SYT9: variants seen among roughly 807,000 people sequenced by gnomAD.
SYT9 encodes the protein synaptotagmin 9, also known as synaptotagmin-9.
Under a neutral mutation model 48.4 loss-of-function variants are expected in SYT9, and 22 were observed. That is an observed-to-expected ratio of 0.45 (90% confidence interval 0.32 to 0.65). SYT9 has a LOEUF of 0.65. Among genes scored for constraint, SYT9 ranks in the 30% least tolerant of loss-of-function variants. The probability of loss-of-function intolerance (pLI) is 0.03; values close to 1 mark genes in which losing one functional copy is unlikely to be tolerated. For missense variants in SYT9, 577 were observed against 622.0 expected (o/e 0.93, Z 0.77); for synonymous variants, 265 against 245.0 (o/e 1.08, Z -0.76).
chr11:7,367,162 A>C (rs1294675216), intron 3 of SYT9, among the ~76,000 whole-genome samples: 5 of 137,450 alleles, frequency 3.6e-5, no homozygotes, highest in African/African-American at 1.1e-4. Context: ...GCTCACTGCA[A>C]GCTCCGCCTC....
At chr11:7,239,472 T>C (rs1589880431) in intron 1 of SYT9, among the ~76,000 whole-genome samples, 1 of 152,062 alleles carries the variant, frequency 6.6e-6, no homozygotes, top group Non-Finnish European at 1.5e-5. Flanking sequence ...AACCTAACAC[T>C]GGAAAGAAGA....
At chr11:7,283,807 A>T (rs906603175) in intron 1 of SYT9, among the ~76,000 whole-genome samples, 2 of 152,128 alleles carry the variant, frequency 1.3e-5, no homozygotes, top group African/African-American at 4.8e-5. Flanking sequence ...GCCTTATCAC[A>T]TCATTGACAC....
At chr11:7,366,628 A>C (rs1274867232) in intron 3 of SYT9, among the ~76,000 whole-genome samples, 1 of 152,156 alleles carries the variant, frequency 6.6e-6, no homozygotes, top group Non-Finnish European at 1.5e-5. Context: ...TTACTATTAC[A>C]TATTTTAACC....
At chr11:7,382,058 G>C (rs554136690) in intron 3 of SYT9, among the ~76,000 whole-genome samples, 14 of 152,264 alleles carry the variant, frequency 9.2e-5, no homozygotes, top group Admixed American at 8.5e-4. Flanking sequence ...GCCCAGACTG[G>C]GAAGCCCAGA....
intron 3 of SYT9, among the ~76,000 whole-genome samples, chr11:7,409,112 G>C (rs1320015294): frequency 4.6e-5 from 7 of 152,122 alleles, no homozygotes. Context: ...TATCATGAAG[G>C]GATGGTGTAT....
At chr11:7,418,271 T>A in intron 5 of SYT9, 143 bp downstream of exon 5, 1 of 850,488 alleles carries the variant, frequency 1.2e-6, no homozygotes, top group Non-Finnish European at 1.8e-6. Flanking sequence ...GGAAGCACAT[T>A]GACAGGAGTC....
intron 4 of SYT9, among the ~76,000 whole-genome samples, chr11:7,417,168 G>T (rs5789515): frequency 0.33 from 34,333 of 104,400 alleles, 4,663 homozygotes; most frequent in Non-Finnish European, 0.46. Flanking sequence ...CAGTGTTTTT[G>T]TTTTTTTAAG....
chr11:7,430,316 G>C (rs979036649), intron 6 of SYT9, among the ~76,000 whole-genome samples: 9 of 152,180 alleles, frequency 5.9e-5, no homozygotes, highest in Admixed American at 5.9e-4. Flanking sequence ...ATAAAGCAAG[G>C]GGAACTTTAC....
intron 1 of SYT9, among the ~76,000 whole-genome samples, chr11:7,267,984 G>A (rs962096045): frequency 5.3e-5 from 8 of 151,990 alleles, no homozygotes; most frequent in African/African-American, 1.9e-4. Context: ...AAATTGAGTG[G>A]AAGTCATAAA....
chr11:7,248,433 G>A (rs191513593), upstream of SYT9, among the ~76,000 whole-genome samples: 1 of 152,190 alleles, frequency 6.6e-6, no homozygotes, highest in East Asian at 1.9e-4. Flanking sequence ...TTTTTACAAT[G>A]TTATCTTCCA....
chr11:7,280,364 A>G (rs1023059864), intron 1 of SYT9, among the ~76,000 whole-genome samples: 18 of 152,270 alleles, frequency 1.2e-4, no homozygotes, highest in African/African-American at 3.9e-4. Flanking sequence ...AAGTAAAACA[A>G]TGACACATGT....
rs574730887 is a variant in SYT9 at position 7,255,552 on chromosome 11, G to A, written c.145+3221G>A. On this transcript the variant is annotated intron_variant, in intron 1 of 6. Transcript: ENST00000318881. ...ACAGAGGTGATAGTGACTTCAACAG[G>A]GATAGTGGTAATGGAGGTGATGAGA... Among the ~76,000 whole-genome samples, 7 of 152,280 alleles carry A rather than the reference G, an allele frequency of 4.6e-5. No individual in the cohort carries two copies. In the East Asian group the frequency reaches 1.4e-3, roughly 29 times the overall value.
chr11:7,276,071 C>G (rs77073065), intron 1 of SYT9, among the ~76,000 whole-genome samples: 1 of 152,064 alleles, frequency 6.6e-6, no homozygotes, highest in Admixed American at 6.6e-5. Context: ...AATACACCAT[C>G]CCCCACCCCC....
At chr11:7,290,407 G>T (rs946700719) in intron 1 of SYT9, among the ~76,000 whole-genome samples, 3 of 152,150 alleles carry the variant, frequency 2.0e-5, no homozygotes, top group Non-Finnish European at 4.4e-5. Context: ...CATGTTGTGA[G>T]GTTAATTTAA....
chr11:7,280,727 C>T (rs1848477908), intron 1 of SYT9, among the ~76,000 whole-genome samples: 1 of 151,206 alleles, frequency 6.6e-6, no homozygotes, highest in African/African-American at 2.5e-5. Flanking sequence ...TCTGGTATTT[C>T]CAGGTGGAGA....
chr11:7,432,565 AAAAAAAAAAAAAAAAAAATATATATACAT>A (rs1847605157), intron 6 of SYT9, among the ~76,000 whole-genome samples: 3 of 12,232 alleles, frequency 2.5e-4, no homozygotes, highest in African/African-American at 1.1e-3. Context: ...AAAAAAAAAA[AAAAAAAAAAAAAAAAAAATATATATACAT>A]ATATATATAT....
chr11:7,257,750 A>G (rs749315250), intron 1 of SYT9, among the ~76,000 whole-genome samples: 8 of 152,178 alleles, frequency 5.3e-5, no homozygotes, highest in Non-Finnish European at 1.2e-4. Context: ...TGGATGCACA[A>G]TATGTGAAGA....
chr11:7,353,836 C>T (rs1849965236), intron 3 of SYT9, among the ~76,000 whole-genome samples: 3 of 152,102 alleles, frequency 2.0e-5, no homozygotes, highest in Non-Finnish European at 4.4e-5. Context: ...TGTATATTTT[C>T]TTGTTTATCA....
At chr11:7,310,486 G>T (rs962384547) in intron 2 of SYT9, among the ~76,000 whole-genome samples, 3 of 128,706 alleles carry the variant, frequency 2.3e-5, no homozygotes, top group African/African-American at 9.0e-5. Flanking sequence ...TCACCCTGTC[G>T]CCCAGGCTGG....
Sources: allele counts gnomAD v4.1 joint callset (sites outside exome capture counted in the v4.1 genomes callset), GRCh38; gene constraint gnomAD v4.1.1; transcripts MANE v1.5; gene names NCBI Gene and HGNC (gene_info 2026-07-23, HGNC 2026-07-21).